HTR1E: variants seen among roughly 807,000 people sequenced by gnomAD.
HTR1E encodes 5-hydroxytryptamine receptor 1E.
HTR1E carries 3 observed loss-of-function variants against 3.4 expected under a neutral mutation model. The observed-to-expected ratio is 0.89, with a 90% CI of 0.41 to 2.31. HTR1E has a LOEUF of 2.31. HTR1E is among the 30% of genes most tolerant of loss of function. HTR1E has a pLI of 0.05. For missense variants in HTR1E, 392 were observed against 467.0 expected, an observed-to-expected ratio of 0.84 and a Z score of 1.48; for synonymous variants, 170 against 182.8, an observed-to-expected ratio of 0.93 and a Z score of 0.56.
intron 1 of HTR1E, among the ~76,000 whole-genome samples, chr6:87,009,807 ACGGGGCGGC>A (rs1768176831): frequency 9.0e-6 from 1 of 110,502 alleles, no homozygotes; most frequent in Non-Finnish European, 1.7e-5. Flanking sequence ...TCCCTCCCGG[ACGGGGCGGC>A]TGGCCGGGCG....
intron 1 of HTR1E, among the ~76,000 whole-genome samples, chr6:86,956,802 C>CG (rs1767332205): frequency 6.6e-6 from 1 of 152,190 alleles, no homozygotes; most frequent in Non-Finnish European, 1.5e-5. Flanking sequence ...TATGATCTTG[C>CG]ACACATTATT....
At chr6:86,964,230 G>T (rs541161535) in intron 1 of HTR1E, among the ~76,000 whole-genome samples, 1 of 152,290 alleles carries the variant, frequency 6.6e-6, no homozygotes, top group East Asian at 1.9e-4. Flanking sequence ...CGTTGGAATC[G>T]TATCTGGGGG....
intron 1 of HTR1E, among the ~76,000 whole-genome samples, chr6:86,988,736 C>A (rs550475043): frequency 1.6e-4 from 25 of 152,118 alleles, no homozygotes; most frequent in South Asian, 2.1e-4. Context: ...GAAGGAAGTC[C>A]CAAAACATGC....
At chr6:86,943,532 T>C (rs186103664) in intron 1 of HTR1E, among the ~76,000 whole-genome samples, 1 of 152,316 alleles carries the variant, frequency 6.6e-6, no homozygotes, top group East Asian at 1.9e-4. Context: ...TCAGCCTCCT[T>C]TCAGGGAAGT....
chr6:86,953,393 G>A (rs1231095588), intron 1 of HTR1E, among the ~76,000 whole-genome samples: 1 of 152,170 alleles, frequency 6.6e-6, no homozygotes, highest in African/African-American at 2.4e-5. Context: ...TCTCTGCTGA[G>A]ATTTTTCCTG....
intron 1 of HTR1E, among the ~76,000 whole-genome samples, chr6:86,973,542 TAGAG>T (rs1767590683): frequency 6.6e-6 from 1 of 152,120 alleles, no homozygotes; most frequent in Non-Finnish European, 1.5e-5. Flanking sequence ...GCCATCAGCA[TAGAG>T]ACTTTCCAAA....
chr6:87,005,162 C>T (rs1198781437), intron 1 of HTR1E, among the ~76,000 whole-genome samples: 1 of 152,104 alleles, frequency 6.6e-6, no homozygotes, highest in Non-Finnish European at 1.5e-5. Context: ...ATCCATACTA[C>T]ACAAAGCAAT....
At chr6:86,942,873 G>C (rs1353169643) in intron 1 of HTR1E, among the ~76,000 whole-genome samples, 4 of 152,178 alleles carry the variant, frequency 2.6e-5, no homozygotes, top group Non-Finnish European at 5.9e-5. Context: ...AAGAAGGGAT[G>C]AAAAATGACT....
chr6:86,997,075 G>A (rs1401895372), intron 1 of HTR1E, among the ~76,000 whole-genome samples: 4 of 151,816 alleles, frequency 2.6e-5, no homozygotes, highest in Non-Finnish European at 5.9e-5. Context: ...AGATTAACAA[G>A]CTATAGAAGA....
At chr6:86,997,229 G>C (rs1260962690) in intron 1 of HTR1E, among the ~76,000 whole-genome samples, 1 of 151,816 alleles carries the variant, frequency 6.6e-6, no homozygotes, top group Non-Finnish European at 1.5e-5. Flanking sequence ...GAAACCTAAA[G>C]TTAACATGAT....
At chr6:86,996,632 A>G (rs898942387) in intron 1 of HTR1E, among the ~76,000 whole-genome samples, 1 of 152,086 alleles carries the variant, frequency 6.6e-6, no homozygotes, top group Admixed American at 6.6e-5. Flanking sequence ...ACAATTCTGT[A>G]CATGTAAATA....
intron 1 of HTR1E, chr6:87,000,358 C>G (rs1032092390): frequency 2.0e-5 from 3 of 152,068 alleles, no homozygotes; most frequent in Admixed American, 1.3e-4. Context: ...AAAAGAACTT[C>G]CAAAACCTAG....
intron 1 of HTR1E, among the ~76,000 whole-genome samples, chr6:87,004,550 C>A (rs1768074678): frequency 6.6e-6 from 1 of 152,108 alleles, no homozygotes. Flanking sequence ...AACATCCCTT[C>A]ATGATTGATA....
chr6:87,013,958 G>A (rs1042018322), intron 1 of HTR1E, among the ~76,000 whole-genome samples: 2 of 152,084 alleles, frequency 1.3e-5, no homozygotes, highest in Non-Finnish European at 2.9e-5. Context: ...TTTCACGCCA[G>A]TTAGAATGGT....
chr6:86,995,292 T>TAATAAATAAATAAATAAATAAATA (rs71014980), intron 1 of HTR1E, among the ~76,000 whole-genome samples: 5 of 144,074 alleles, frequency 3.5e-5, no homozygotes, highest in African/African-American at 1.3e-4. Context: ...CTCTATAATA[T>TAATAAATAAATAAATAAATAAATA]AATAAATAAA....
chr6:87,013,463 A>G (rs1276746002), intron 1 of HTR1E, among the ~76,000 whole-genome samples: 2 of 152,200 alleles, frequency 1.3e-5, no homozygotes, highest in Non-Finnish European at 2.9e-5. Flanking sequence ...TCAACTCCTC[A>G]TAGGATGTAT....
At chr6:86,948,265 A>C (rs563318336) in intron 1 of HTR1E, among the ~76,000 whole-genome samples, 9 of 152,288 alleles carry the variant, frequency 5.9e-5, no homozygotes, top group Admixed American at 3.9e-4. Context: ...TTCACATGTA[A>C]TTATTATTTG....
At chr6:86,940,593 G>A (rs1768532515) in intron 1 of HTR1E, among the ~76,000 whole-genome samples, 1 of 152,084 alleles carries the variant, frequency 6.6e-6, no homozygotes. Context: ...AAAGCCTCAG[G>A]CCCTGAACTT....
At chr6:86,952,412 T>C (rs1767257438) in intron 1 of HTR1E, among the ~76,000 whole-genome samples, 3 of 152,022 alleles carry the variant, frequency 2.0e-5, no homozygotes, top group Admixed American at 2.0e-4. Context: ...AGGGGAACAG[T>C]ATGCAGAAAA....
Sources: allele counts gnomAD v4.1 joint callset (sites outside exome capture counted in the v4.1 genomes callset), GRCh38; gene constraint gnomAD v4.1.1; transcripts MANE v1.5; gene names NCBI Gene and HGNC (gene_info 2026-07-23, HGNC 2026-07-21).